Variants in CEP350 observed in about 807,000 individuals in gnomAD.
The protein encoded by CEP350 is centrosomal protein 350, also known as centrosome-associated protein 350.
Under a neutral mutation model 331.8 loss-of-function variants are expected in CEP350, and 126 were observed. The ratio of observed to expected loss-of-function variants is 0.38; its 90% CI spans 0.33 to 0.44. The LOEUF (loss-of-function observed/expected upper bound fraction) is 0.44, where lower values mean the gene tolerates loss of function less well. CEP350 is among the 20% of genes least tolerant of loss of function. CEP350 has a pLI of 1.00. For missense variants in CEP350, 3,406 were observed against 3,634.6 expected, an observed-to-expected ratio of 0.94 and a Z score of 1.62; for synonymous variants, 1,200 against 1,259.5, an observed-to-expected ratio of 0.95 and a Z score of 1.00.
intron 1 of CEP350, among the ~76,000 whole-genome samples, chr1:179,966,673 T>C (rs1236806042): frequency 1.3e-5 from 2 of 152,190 alleles, no homozygotes; most frequent in Non-Finnish European, 2.9e-5. Context: ...AATTTCTGTC[T>C]AAACCAGCCA....
intron 1 of CEP350, among the ~76,000 whole-genome samples, chr1:179,972,388 G>A (rs984813571): frequency 5.3e-5 from 8 of 152,194 alleles, no homozygotes; most frequent in Non-Finnish European, 1.2e-4. Context: ...GAAGTGGGAA[G>A]ATGTATGTAT....
chr1:180,000,848 C>T (rs570419240), intron 6 of CEP350: 1 of 152,374 alleles, frequency 6.6e-6, no homozygotes, highest in East Asian at 1.9e-4. Context: ...AGAATCACCA[C>T]ACTTTTTTAA....
intron 8 of CEP350, 59 bp from the exon 9 acceptor site, chr1:180,011,870 A>G: frequency 8.9e-7 from 1 of 1,127,552 alleles, no homozygotes; most frequent in Non-Finnish European, 1.3e-6. Flanking sequence ...ATGGTTGAGT[A>G]GATACACTTC....
chr1:180,004,930 T>TTC (rs1654150418), intron 7 of CEP350, among the ~76,000 whole-genome samples: 1 of 102,336 alleles, frequency 9.8e-6, no homozygotes, highest in Admixed American at 1.3e-4. Context: ...TTTCTTTCTT[T>TTC]CTTTCTTTCT....
chr1:179,968,082 G>A (rs1209555157), intron 1 of CEP350, among the ~76,000 whole-genome samples: 1 of 152,200 alleles, frequency 6.6e-6, no homozygotes, highest in East Asian at 1.9e-4. Flanking sequence ...TATAGTCCCA[G>A]CACTCTGGGA....
chr1:180,091,115 C>A (rs906875981), intron 33 of CEP350, among the ~76,000 whole-genome samples: 9 of 151,726 alleles, frequency 5.9e-5, no homozygotes, highest in Non-Finnish European at 1.5e-5. Flanking sequence ...TCAAGCAATC[C>A]TCCCATCCTA....
At chr1:180,012,122 T>A in intron 9 of CEP350, 47 bp downstream of exon 9, 1 of 1,469,670 alleles carries the variant, frequency 6.8e-7, no homozygotes, top group Non-Finnish European at 9.2e-7. Flanking sequence ...TAAAAATTGC[T>A]ATTAAGTACT....
intron 15 of CEP350, 31 bp downstream of exon 15, chr1:180,031,525 A>ATCTT: frequency 2.9e-6 from 3 of 1,021,234 alleles, no homozygotes; most frequent in South Asian, 3.6e-5. Context: ...TAATTTATAT[A>ATCTT]TAATTAAAGA....
intron 27 of CEP350, chr1:180,073,810 C>T: frequency 1.5e-6 from 2 of 1,304,398 alleles, no homozygotes; most frequent in Non-Finnish European, 2.0e-6. Context: ...TTCACTACTT[C>T]TTCTCTGTCT....
intron 29 of CEP350, 31 bp downstream of exon 29, chr1:180,078,705 T>C (rs1659383511): frequency 6.5e-7 from 1 of 1,534,788 alleles, no homozygotes; most frequent in South Asian, 1.2e-5. Context: ...ATCTTAAAGA[T>C]TCTCTAGAAA....
chr1:179,969,195 C>T lies in CEP350; in HGVS notation c.-14+14053C>T, dbSNP rs569354046. 2.9e-3 allele frequency: 1,648 copies of T among 565,148 alleles called. 30 individuals carry two copies. Among genetic ancestry groups the T allele is most frequent in the South Asian group, 0.025 (1,613 of 63,736 alleles). The allele number at this position is 565,148 out of a possible 1,614,324, so 35.0% of individuals were successfully genotyped here. A position where few individuals can be genotyped will look rare whatever the true frequency, so the allele number is the denominator to read the frequency against. ...GGGGAAGTTCTGTGTGTGTGTGCCA[C>T]CATTTCCTGTGAACACCCGTGGGAA... On this transcript the variant is annotated intron_variant, in intron 1 of 37. Transcript: ENST00000367607.
At position 180,064,448 on chromosome 1, in the gene CEP350, T is replaced by TG. The variant is rs967392427; in HGVS notation, c.5410-667_5410-666insG. 8.5e-5 allele frequency among the ~76,000 whole-genome samples: 13 copies of TG among 152,242 alleles called. No homozygotes were observed. In the East Asian group the frequency reaches 2.5e-3, roughly 29 times the overall value. ...AGCTCAAGGGCTCTACTTTTTTTTT[T>TG]TAAACAAAATAAAAACAGTCATTAC... On this transcript the variant is annotated intron_variant, in intron 26 of 37. Coordinates refer to ENST00000367607, the MANE Select transcript of CEP350 (RefSeq NM_014810.5).
At chr1:180,061,121 CAAT>C (rs1658203852) in intron 25 of CEP350, among the ~76,000 whole-genome samples, 2 of 152,164 alleles carry the variant, frequency 1.3e-5, no homozygotes, top group Admixed American at 6.5e-5. Context: ...AGAAAAATCT[CAAT>C]GATTAAAATA....
Position 180,113,429 on chromosome 1 carries a change from A to G in CEP350, c.*2268A>G, listed in dbSNP as rs1291171339. 6.6e-6 allele frequency: 1 copy of G among 152,194 alleles called. No individual in the cohort carries two copies. Among genetic ancestry groups the G allele is most frequent in the African/African-American group, 2.4e-5 (1 of 41,446 alleles). The allele number at this position is 152,194 out of a possible 1,614,324, so 9.4% of individuals were successfully genotyped here. ...CATGGAATCAGCAATCTGGTAAGAAATGCTGCCAAGAATGTGGCAGTAGCT... is the reference window on the plus strand; with the variant it reads ...CATGGAATCAGCAATCTGGTAAGAAGTGCTGCCAAGAATGTGGCAGTAGCT... On this transcript the variant is annotated 3_prime_UTR_variant, in exon 38 of 38. Coordinates refer to ENST00000367607, the MANE Select transcript of CEP350 (RefSeq NM_014810.5).
At position 179,987,303 on chromosome 1, in the gene CEP350, TC is replaced by T; in HGVS notation, c.120+19del. The T allele has an allele frequency of 6.9e-7, 1 of 1,439,636 alleles. No individual in the cohort carries two copies. The highest frequency in any genetic ancestry group is 9.7e-7 in the Non-Finnish European group (1 of 1,032,968). 89.2% of individuals were successfully genotyped at this position (1,439,636 alleles called of 1,614,324 possible). On this transcript the variant is annotated intron_variant, in intron 3 of 37. Transcript: ENST00000367607. ...AAGGCTGCTGTAAGTAGTTTTAGCT[TC>T]CATTTATTTATTTCTGGATTAAAAT...
chr1:180,099,874 C>T (rs1482783610), intron 37 of CEP350, among the ~76,000 whole-genome samples: 1 of 151,232 alleles, frequency 6.6e-6, no homozygotes, highest in African/African-American at 2.4e-5. Flanking sequence ...CAGCCTCTGC[C>T]TCCCAGGTTC....
At position 180,095,583 on chromosome 1, in the gene CEP350, G is replaced by C; in HGVS notation, c.8572G>C (p.Glu2858Gln). The C allele has an allele frequency of 6.2e-7, 1 of 1,613,948 alleles. No individual in the cohort carries two copies. The highest frequency in any genetic ancestry group is 2.2e-5 in the East Asian group (1 of 44,888). ...ACTTGCTAAGAGACTTGCTGAACTT[G>C]AACTCAGCCGGGAGTTCCTGAGCGC... ...EELAKRLAEL[E>Q]LSREFLSALG... Residue 2858 changes from glutamate (E) to glutamine (Q), a missense_variant, in exon 35 of 38, where the codon GAA becomes CAA. Glu to Gln is a conservative substitution (Grantham distance 29, BLOSUM62 2). Around this residue, in one of 5 missense-constraint regions of CEP350, gnomAD observed 1,415 missense variants for 1,512.3 expected, o/e 0.94. Transcript: ENST00000367607.
chr1:180,104,480 TG>T (rs1436193092), intron 37 of CEP350, among the ~76,000 whole-genome samples: 1 of 152,160 alleles, frequency 6.6e-6, no homozygotes, highest in Non-Finnish European at 1.5e-5. Context: ...TATTTTTGCA[TG>T]TAATAAACCC....
At chr1:180,068,217 T>C (rs1658661842) in intron 27 of CEP350, among the ~76,000 whole-genome samples, 1 of 152,212 alleles carries the variant, frequency 6.6e-6, no homozygotes, top group Admixed American at 6.5e-5. Context: ...CCTTTTTTAA[T>C]ATTTTACTGA....
Sources: gnomAD v4.1 joint callset for allele counts (sites outside exome capture counted in the v4.1 genomes callset) on GRCh38, gnomAD v4.1.1 for gene constraint, gnomAD v4.1.1 regional missense constraint, MANE v1.5 for transcripts, NCBI Gene and HGNC (gene_info 2026-07-23, HGNC 2026-07-21) for gene names.